Variants in MMP26 observed in about 807,000 individuals in gnomAD.
MMP26 encodes matrix metalloproteinase-26.
A neutral mutation model predicts 31.0 loss-of-function variants in MMP26; 33 were observed. The ratio of observed to expected loss-of-function variants is 1.06; its 90% CI spans 0.81 to 1.42. The LOEUF (loss-of-function observed/expected upper bound fraction) is 1.42. Among genes scored for constraint, MMP26 ranks in the 40% most tolerant of loss-of-function variants. The pLI is 0.00. For missense variants in MMP26, 347 were observed against 316.1 expected (o/e 1.10, Z -0.74); for synonymous variants, 122 against 114.9 (o/e 1.06, Z -0.40).
intron 2 of MMP26, chr11:4,769,186 G>T: frequency 6.2e-7 from 1 of 1,614,116 alleles, no homozygotes; most frequent in Non-Finnish European, 8.5e-7. Flanking sequence ...CCACATGGGA[G>T]ACACAGGTGC....
intron 2 of MMP26, among the ~76,000 whole-genome samples, chr11:4,865,419 T>C (rs2133519221): frequency 6.6e-6 from 1 of 152,236 alleles, no homozygotes; most frequent in South Asian, 2.1e-4. Context: ...GAATGAATCC[T>C]CTTTGCTCAA....
chr11:4,879,674 T>C (rs1222166259), intron 2 of MMP26, among the ~76,000 whole-genome samples: 4 of 152,154 alleles, frequency 2.6e-5, no homozygotes, highest in African/African-American at 7.2e-5. Context: ...TTGAAAGATA[T>C]AGTTTCTGAA....
intron 2 of MMP26, among the ~76,000 whole-genome samples, chr11:4,959,451 A>C (rs3850508): frequency 0.38 from 58,190 of 151,670 alleles, 11,299 homozygotes; most frequent in South Asian, 0.58. Context: ...AAATCTTCCA[A>C]GTCAACTCTC....
intron 1 of MMP26, among the ~76,000 whole-genome samples, chr11:4,742,985 T>C (rs1472049655): frequency 6.6e-6 from 1 of 152,220 alleles, no homozygotes; most frequent in Non-Finnish European, 1.5e-5. Context: ...AGCTGGATTT[T>C]AATTCCATCC....
At chr11:4,814,062 G>C (rs1008987564) in intron 2 of MMP26, among the ~76,000 whole-genome samples, 1 of 152,100 alleles carries the variant, frequency 6.6e-6, no homozygotes, top group African/African-American at 2.4e-5. Context: ...TTATTCATTA[G>C]GTAAATGAAA....
intron 2 of MMP26, chr11:4,882,295 G>C: frequency 6.2e-7 from 1 of 1,613,926 alleles, no homozygotes; most frequent in Non-Finnish European, 8.5e-7. Context: ...GTAACCCACT[G>C]AACTATGCTA....
chr11:4,918,552 C>T (rs941932125), intron 2 of MMP26, among the ~76,000 whole-genome samples: 4 of 152,084 alleles, frequency 2.6e-5, no homozygotes, highest in Admixed American at 1.3e-4. Context: ...TTAGCCAGTT[C>T]GCCAGAGAGT....
chr11:4,941,117 C>A (rs911108055), intron 2 of MMP26, among the ~76,000 whole-genome samples: 62 of 152,218 alleles, frequency 4.1e-4, no homozygotes, highest in African/African-American at 1.4e-3. Flanking sequence ...CATATTTATT[C>A]TTTCACTCTA....
chr11:4,907,871 T>C, intron 2 of MMP26: 1 of 1,613,978 alleles, frequency 6.2e-7, no homozygotes, highest in Non-Finnish European at 8.5e-7. Flanking sequence ...GAGATTAAAA[T>C]ATTGTCAAAA....
intron 2 of MMP26, chr11:4,912,888 A>G (rs899358988): frequency 6.6e-5 from 10 of 152,064 alleles, no homozygotes; most frequent in Admixed American, 4.6e-4. Context: ...TTACACAAAA[A>G]CCTCAGGACT....
At chr11:4,991,771 T>C (rs1477270795) in intron 6 of MMP26, among the ~76,000 whole-genome samples, 193 bp from the exon 7 acceptor site, 2 of 152,204 alleles carry the variant, frequency 1.3e-5, no homozygotes, top group Non-Finnish European at 2.9e-5. Flanking sequence ...ACTTCAAGTT[T>C]ATCTGTCCAA....
intron 2 of MMP26, among the ~76,000 whole-genome samples, chr11:4,855,815 C>A (rs1248684166): frequency 6.6e-6 from 1 of 152,116 alleles, no homozygotes; most frequent in Non-Finnish European, 1.5e-5. Context: ...TTAAGGGCAG[C>A]CAGAGAGAAA....
intron 2 of MMP26, chr11:4,944,821 C>T (rs1846269789): frequency 1.3e-5 from 2 of 151,692 alleles, no homozygotes; most frequent in Non-Finnish European, 2.9e-5. Context: ...CAATGATATG[C>T]CTATATTTGA....
intron 2 of MMP26, among the ~76,000 whole-genome samples, chr11:4,828,289 C>T (rs1463766741): frequency 6.6e-6 from 1 of 152,048 alleles, no homozygotes; most frequent in African/African-American, 2.4e-5. Context: ...GGAAGTTTAC[C>T]TCTAAAAGTT....
chr11:4,957,034 A>G (rs986439971), intron 2 of MMP26, among the ~76,000 whole-genome samples: 2 of 152,194 alleles, frequency 1.3e-5, no homozygotes, highest in African/African-American at 4.8e-5. Context: ...TCTGTTTAAG[A>G]TCACAGAAGT....
chr11:4,969,628 A>T (rs1250721476), intron 2 of MMP26, among the ~76,000 whole-genome samples: 9 of 152,118 alleles, frequency 5.9e-5, no homozygotes, highest in Non-Finnish European at 1.5e-5. Context: ...CTTGACATAC[A>T]TAAAGTATTT....
At chr11:4,795,756 A>G (rs1260716578) in intron 2 of MMP26, among the ~76,000 whole-genome samples, 1 of 152,030 alleles carries the variant, frequency 6.6e-6, no homozygotes, top group Admixed American at 6.6e-5. Flanking sequence ...CTTTTATTTT[A>G]TGCACATGAA....
At chr11:4,935,414 G>T (rs1449797110) in intron 2 of MMP26, among the ~76,000 whole-genome samples, 1 of 151,834 alleles carries the variant, frequency 6.6e-6, no homozygotes, top group African/African-American at 2.4e-5. Flanking sequence ...TGTGATTTTT[G>T]CACATTGATT....
At position 4,862,603 on chromosome 11, in the gene MMP26, A is replaced by G. The variant is rs563729869; in HGVS notation, c.-145+95262A>G. Among the ~76,000 whole-genome samples the G allele has an allele frequency of 1.2e-4, 18 of 152,314 alleles. No homozygotes were observed. In the East Asian group the frequency reaches 3.1e-3, roughly 26 times the overall value. On this transcript the variant is annotated intron_variant, in intron 2 of 7. Coordinates refer to ENST00000380390, the MANE Select transcript of MMP26 (RefSeq NM_021801.5). Reference sequence around the variant, plus strand: ...TGTTCTCACCTAGGTACTTGTGAGAAAAGAGAAAAACATCTCAAGAACTGG... The same window carrying G: ...TGTTCTCACCTAGGTACTTGTGAGAGAAGAGAAAAACATCTCAAGAACTGG...
Sources: allele counts gnomAD v4.1 joint callset (sites outside exome capture counted in the v4.1 genomes callset), GRCh38; gene constraint gnomAD v4.1.1; transcripts MANE v1.5; gene names NCBI Gene and HGNC (gene_info 2026-07-23, HGNC 2026-07-21).